DYNC2H1: variants seen among roughly 807,000 people sequenced by gnomAD.
The protein encoded by DYNC2H1 is cytoplasmic dynein 2 heavy chain 1.
In DYNC2H1, 410 loss-of-function variants were observed where a neutral mutation model predicts 570.0. The observed-to-expected ratio is 0.72, with a 90% CI of 0.66 to 0.78. DYNC2H1 has a LOEUF of 0.78. Ranked by LOEUF, DYNC2H1 falls within the 30% of genes least tolerant of loss-of-function variation. The pLI is 0.00. For synonymous variants in DYNC2H1, 1,688 were observed against 1,677.6 expected (o/e 1.01, Z -0.15); for missense variants, 4,865 against 5,046.4 (o/e 0.96, Z 1.09).
chr11:103,176,880 A>AT (rs1270095912), intron 37 of DYNC2H1, among the ~76,000 whole-genome samples: 2 of 151,772 alleles, frequency 1.3e-5, no homozygotes, highest in Non-Finnish European at 2.9e-5. Context: ...TAATTTTTAT[A>AT]TTTTTAGTAG....
At chr11:103,159,409 C>T (rs1432029219) in intron 28 of DYNC2H1, among the ~76,000 whole-genome samples, 2 of 152,028 alleles carry the variant, frequency 1.3e-5, no homozygotes, top group African/African-American at 2.4e-5. Flanking sequence ...GGAGAATATG[C>T]CTCTTCCTTA....
At chr11:103,440,486 C>T (rs1944228357) in intron 85 of DYNC2H1, among the ~76,000 whole-genome samples, 7 of 152,254 alleles carry the variant, frequency 4.6e-5, no homozygotes, top group Middle Eastern at 3.4e-3. Context: ...AATCCTGCCA[C>T]CCTTCATTCT....
chr11:103,467,523 TTTGTTTTG>T (rs1482274456), intron 87 of DYNC2H1, among the ~76,000 whole-genome samples: 3 of 75,452 alleles, frequency 4.0e-5, no homozygotes, highest in African/African-American at 1.4e-4. Context: ...TTTGTTTTGT[TTTGTTTTG>T]TTTTGTTTTG....
At position 103,190,274 on chromosome 11, in the gene DYNC2H1, A is replaced by G. The variant is rs148310966; in HGVS notation, c.7437+458A>G. 1.4e-4 allele frequency among the ~76,000 whole-genome samples: 22 copies of G among 152,336 alleles called. No individual in the cohort carries two copies. In the East Asian group the frequency reaches 4.0e-3, roughly 28 times the overall value. ...ACTTGAAAGTAGGCATTGAGGATAC[A>G]CAAAACATTTGTTGAGCACCTTTTC... is the stretch of plus-strand genomic sequence containing the variant. On this transcript the variant is annotated intron_variant, in intron 45 of 88. Coordinates refer to ENST00000375735, the MANE Select transcript of DYNC2H1 (RefSeq NM_001377.3).
chr11:103,139,227 G>A (rs1591301783), intron 17 of DYNC2H1, among the ~76,000 whole-genome samples: 1 of 152,060 alleles, frequency 6.6e-6, no homozygotes, highest in South Asian at 2.1e-4. Flanking sequence ...GTTCTGCTCA[G>A]ATTTTAGTTA....
At chr11:103,350,634 C>T (rs1940002648) in intron 82 of DYNC2H1, among the ~76,000 whole-genome samples, 1 of 152,158 alleles carries the variant, frequency 6.6e-6, no homozygotes, top group African/African-American at 2.4e-5. Context: ...TTTATTTTCT[C>T]ACAGTTTTGG....
chr11:103,152,410 C>A (rs1421264550), intron 21 of DYNC2H1, 125 bp downstream of exon 21: 17 of 832,342 alleles, frequency 2.0e-5, no homozygotes, highest in Non-Finnish European at 3.0e-5. Flanking sequence ...AATTGACCTC[C>A]CTGACTACTT....
rs916869542 is a variant in DYNC2H1 at position 103,109,447 on chromosome 11, C to T, written c.-128C>T. 2.1e-6 allele frequency: 2 copies of T among 937,020 alleles called. No individual in the cohort carries two copies. Among genetic ancestry groups the T allele is most frequent in the Non-Finnish European group, 3.1e-6 (2 of 650,402 alleles). 58.0% of individuals were successfully genotyped at this position (937,020 alleles called of 1,614,324 possible). On this transcript the variant is annotated 5_prime_UTR_variant, in exon 1 of 89. Transcript: ENST00000375735. ...CGCCATAGCGACTACCCCTGGCAAC[C>T]GCGAAGCTCTGCGGTCCCGCGGTCG...
At chr11:103,262,225 T>C (rs1363413202) in intron 70 of DYNC2H1, among the ~76,000 whole-genome samples, 2 of 152,210 alleles carry the variant, frequency 1.3e-5, no homozygotes, top group Admixed American at 6.5e-5. Flanking sequence ...CTGCATTTGA[T>C]TGGTGTACCT....
chr11:103,440,906 T>A (rs1161841904), intron 85 of DYNC2H1, among the ~76,000 whole-genome samples: 2 of 152,218 alleles, frequency 1.3e-5, no homozygotes, highest in Non-Finnish European at 2.9e-5. Flanking sequence ...TCATTGTGAA[T>A]GCAGCCACTA....
intron 18 of DYNC2H1, among the ~76,000 whole-genome samples, chr11:103,147,008 A>G (rs1283523552): frequency 6.6e-6 from 1 of 152,114 alleles, no homozygotes; most frequent in Non-Finnish European, 1.5e-5. Flanking sequence ...TTATTTTGCC[A>G]TTTCTATATT....
At chr11:103,464,964 A>T (rs1945146240) in intron 87 of DYNC2H1, among the ~76,000 whole-genome samples, 1 of 152,198 alleles carries the variant, frequency 6.6e-6, no homozygotes, top group African/African-American at 2.4e-5. Flanking sequence ...TTAAGCTGAA[A>T]ATCTAAACAG....
chr11:103,342,593 C>T (rs565510672), intron 82 of DYNC2H1, among the ~76,000 whole-genome samples: 1 of 151,814 alleles, frequency 6.6e-6, no homozygotes, highest in Admixed American at 6.6e-5. Flanking sequence ...AGCTCCGCCT[C>T]CCAGGTTCAA....
chr11:103,473,286 A>AT (rs35681061), intron 88 of DYNC2H1, among the ~76,000 whole-genome samples: 48,169 of 136,678 alleles, frequency 0.35, 9,160 homozygotes, highest in East Asian at 0.53. Flanking sequence ...CATGAAACAG[A>AT]TTTTTTTTTT....
In DYNC2H1 at chr11:103,200,127, GAGATGA is replaced by G; in HGVS notation, c.8171_8176del (p.Glu2724_Ile2726delinsVal). 1 of 1,579,792 alleles carries G rather than the reference GAGATGA, an allele frequency of 6.3e-7. No homozygotes were observed. The highest frequency in any genetic ancestry group is 8.6e-7 in the Non-Finnish European group (1 of 1,161,748). On this transcript the variant is annotated inframe_deletion, in exon 50 of 89. Coordinates refer to ENST00000375735, the MANE Select transcript of DYNC2H1 (RefSeq NM_001377.3). ...CCAGTTTGTACATCCTACATTTTTG[GAGATGA>G]TCAATAGCCTTTTGTCTTCAGGCAA...
At chr11:103,353,331 G>C (rs955528419) in intron 82 of DYNC2H1, among the ~76,000 whole-genome samples, 4 of 152,136 alleles carry the variant, frequency 2.6e-5, no homozygotes, top group African/African-American at 9.7e-5. Context: ...CTGTTCTCCA[G>C]ATATTGGATG....
rs751581019 is a variant in DYNC2H1 at position 103,209,941 on chromosome 11, A to G, written c.8520A>G (p.Glu2840=). 1 of 1,497,648 alleles carries G rather than the reference A, an allele frequency of 6.7e-7. No homozygotes were observed. 92.8% of individuals were successfully genotyped at this position (1,497,648 alleles called of 1,614,324 possible). The change falls in exon 53 of 89, where the codon GAA becomes GAG. Residue 2840 remains glutamate (E), a synonymous_variant. Transcript: ENST00000375735. This position sits in a 1 kb window ranked among gnomAD's most constrained non-coding sequence, Gnocchi z 4.2. ...AATACAATGATAAAAAACGAAAAGA[A>G]GAAAAGAAAAAAAATTCAGGTAGTA... ...GEKYNDKKRK[E]EKKKNSVDPD...
At chr11:103,434,162 G>A (rs1943986010) in intron 84 of DYNC2H1, among the ~76,000 whole-genome samples, 1 of 152,018 alleles carries the variant, frequency 6.6e-6, no homozygotes, top group Non-Finnish European at 1.5e-5. Flanking sequence ...AAGCCCTGGA[G>A]CCAAGTTCTC....
chr11:103,339,140 CAG>C (rs996624438), intron 82 of DYNC2H1, among the ~76,000 whole-genome samples: 2 of 151,948 alleles, frequency 1.3e-5, no homozygotes, highest in African/African-American at 4.8e-5. Context: ...AGTTCCCAGG[CAG>C]AGTCTCTTGC....
Sources: allele counts gnomAD v4.1 joint callset (sites outside exome capture counted in the v4.1 genomes callset), GRCh38; gene constraint gnomAD v4.1.1; non-coding constraint Gnocchi (gnomAD v3.1); transcripts MANE v1.5; gene names NCBI Gene and HGNC (gene_info 2026-07-23, HGNC 2026-07-21).